RAPSN: variants seen among roughly 807,000 people sequenced by gnomAD.
RAPSN encodes receptor associated protein of the synapse.
RAPSN carries 33 observed loss-of-function variants against 45.7 expected under a neutral mutation model. The observed-to-expected ratio is 0.72, with a 90% CI of 0.55 to 0.97. The LOEUF (loss-of-function observed/expected upper bound fraction) is 0.97. Ranked by LOEUF, RAPSN falls within the 50% of genes least tolerant of loss-of-function variation. The pLI, the probability that RAPSN is intolerant of heterozygous loss-of-function variation, is 0.00. For missense variants in RAPSN, 519 were observed against 559.4 expected (o/e 0.93, Z 0.73); for synonymous variants, 244 against 233.6 (o/e 1.04, Z -0.40).
chr11:47,448,728 G>T (rs374289750), intron 1 of RAPSN, 45 bp downstream of exon 1: 1 of 1,598,858 alleles, frequency 6.3e-7, no homozygotes, highest in Non-Finnish European at 8.5e-7. Flanking sequence ...GGAGACATCC[G>T]GCCCCAGCCT....
At chr11:47,441,756 G>A in intron 4 of RAPSN, 23 bp from the exon 5 acceptor site, 8 of 1,605,142 alleles carry the variant, frequency 5.0e-6, no homozygotes, top group Non-Finnish European at 5.9e-6. Flanking sequence ...GTGGGGGATG[G>A]AATCAGGCTG....
chr11:47,442,845 A>G, intron 2 of RAPSN, 31 bp from the exon 3 acceptor site: 1 of 1,611,918 alleles, frequency 6.2e-7, no homozygotes, highest in Non-Finnish European at 8.5e-7. Context: ...AAGGAGGCAA[A>G]CTGAGTGGCA....
intron 6 of RAPSN, among the ~76,000 whole-genome samples, chr11:47,439,252 T>A (rs1022910237): frequency 2.0e-5 from 3 of 152,192 alleles, no homozygotes; most frequent in Non-Finnish European, 2.9e-5. Flanking sequence ...GGCAGGTGGA[T>A]CACCTGAGGC....
At chr11:47,443,238 G>A (rs2076379420) in intron 2 of RAPSN, among the ~76,000 whole-genome samples, 1 of 152,300 alleles carries the variant, frequency 6.6e-6, no homozygotes, top group Admixed American at 6.5e-5. Context: ...GGAAGCAGGT[G>A]TTCACTGAAG....
chr11:47,448,044 T>G lies in RAPSN; in HGVS notation c.299A>C (p.His100Pro). Residue 100 changes from histidine to proline, a missense_variant, in exon 2 of 8, where the codon CAC becomes CCC. His to Pro is a moderately conservative substitution (Grantham distance 77). Transcript: ENST00000298854. ...ARSNEKLCEF[H>P]KTISYCKTCL... ...GGTCTTGCAGTAGGAGATGGTCTTGTGAAACTCGCACAGCTTCTCGTTGCT... is the reference window on the plus strand; with the variant it reads ...GGTCTTGCAGTAGGAGATGGTCTTGGGAAACTCGCACAGCTTCTCGTTGCT... 6.2e-7 allele frequency: 1 copy of G among 1,613,988 alleles called. No homozygotes were observed. Among genetic ancestry groups the G allele is most frequent in the African/African-American group, 1.3e-5 (1 of 75,014 alleles).
chr11:47,447,713 T>A, intron 2 of RAPSN, 99 bp downstream of exon 2: 1 of 1,368,204 alleles, frequency 7.3e-7, no homozygotes, highest in South Asian at 1.3e-5. Flanking sequence ...CAGCCCTCCC[T>A]AAAAGGAGGG....
rs766327035 is a variant in RAPSN at position 47,447,858 on chromosome 11, T to G, written c.485A>C (p.Glu162Ala). The G allele has an allele frequency of 3.1e-6, 5 of 1,613,538 alleles. No individual in the cohort carries two copies. In the South Asian group the frequency reaches 5.5e-5, roughly 18 times the overall value. The change falls in exon 2 of 8, where the codon GAG becomes GCG. Residue 162 changes from glutamate (E) to alanine (A), a missense_variant. Glu to Ala is a moderately radical substitution (Grantham distance 107). Transcript: ENST00000298854. ...YAHNNDDAML[E>A]CRVCCSLGSF... ...GCCCAGGCTGCAGCACACGCGGCAC[T>G]CGAGCATGGCGTCATCATTGTTGTG... is the stretch of plus-strand genomic sequence containing the variant.
In RAPSN at chr11:47,437,917, C is replaced by A. The variant is rs985630494; in HGVS notation, c.*58G>T. The A allele has an allele frequency of 2.6e-6, 4 of 1,543,330 alleles. No homozygotes were observed. In the South Asian group the frequency reaches 3.6e-5, roughly 14 times the overall value. ...GCCCCAGGAGTAAATGGGCCTCTGG[C>A]GTGCAGTGGAGAAAGAGCAGGAGTG... On this transcript the variant is annotated 3_prime_UTR_variant, in exon 8 of 8. Transcript: ENST00000298854.
chr11:47,438,904 TCAGA>T lies in RAPSN; in HGVS notation c.990_993del (p.Cys330Ter). The T allele has an allele frequency of 6.4e-7, 1 of 1,562,140 alleles. No individual in the cohort carries two copies. Among genetic ancestry groups the T allele is most frequent in the Non-Finnish European group, 8.7e-7 (1 of 1,152,676 alleles). On this transcript the variant is annotated frameshift_variant, in exon 7 of 8. Coordinates refer to ENST00000298854, the MANE Select transcript of RAPSN (RefSeq NM_005055.5). LOFTEE classifies it high-confidence loss of function. ...CCTTTGCTGCGGTAAATGCTCTCGC[TCAGA>T]CAGTGCAGCTTGAGCTGGCTCAGCT...
In RAPSN at chr11:47,441,901, C is replaced by A; in HGVS notation, c.711G>T (p.Leu237=). ...CCTGCAGTGGCCGGTCCCCGTGCTG[C>A]AGCGCGATCTTCATAGACTCCTGCG... ...ECCEESMKIA[L]QHGDRPLQAL... Residue 237 remains leucine (L), a synonymous_variant, in exon 4 of 8, where the codon CTG becomes CTT. Coordinates refer to ENST00000298854, the MANE Select transcript of RAPSN (RefSeq NM_005055.5). The A allele has an allele frequency of 6.3e-7, 1 of 1,584,534 alleles. No individual in the cohort carries two copies. The highest frequency in any genetic ancestry group is 8.5e-7 in the Non-Finnish European group (1 of 1,170,870).
intron 2 of RAPSN, among the ~76,000 whole-genome samples, chr11:47,446,432 T>TCATCCC (rs2076407392): frequency 6.6e-6 from 1 of 152,014 alleles, no homozygotes; most frequent in Non-Finnish European, 1.5e-5. Context: ...TACATCTGCT[T>TCATCCC]CCTAAAAACA....
intron 6 of RAPSN, among the ~76,000 whole-genome samples, chr11:47,440,287 GTTTGT>G (rs2076352933): frequency 6.6e-6 from 1 of 151,922 alleles, no homozygotes; most frequent in African/African-American, 2.4e-5. Flanking sequence ...GTTAGTTTTT[GTTTGT>G]TTTGAGATAA....
At chr11:47,445,478 C>T (rs1343998903) in intron 2 of RAPSN, among the ~76,000 whole-genome samples, 2 of 150,774 alleles carry the variant, frequency 1.3e-5, no homozygotes, top group African/African-American at 4.9e-5. Flanking sequence ...TGCCGGTAGT[C>T]CCAGCTACTC....
At chr11:47,448,659 C>T in intron 1 of RAPSN, 114 bp downstream of exon 1, 1 of 1,368,600 alleles carries the variant, frequency 7.3e-7, no homozygotes, top group Non-Finnish European at 1.0e-6. Context: ...CGGGCCCTGG[C>T]TGCCAGCCTG....
chr11:47,445,908 C>T (rs1228114296), intron 2 of RAPSN, among the ~76,000 whole-genome samples: 1 of 151,796 alleles, frequency 6.6e-6, no homozygotes, highest in Non-Finnish European at 1.5e-5. Flanking sequence ...GCAATGAACA[C>T]CCCACAAGCC....
chr11:47,443,133 C>T (rs1348255832), intron 2 of RAPSN, among the ~76,000 whole-genome samples: 4 of 152,220 alleles, frequency 2.6e-5, no homozygotes, highest in Non-Finnish European at 5.9e-5. Flanking sequence ...GTTGGCTTCT[C>T]TTTTCTCCCA....
intron 2 of RAPSN, among the ~76,000 whole-genome samples, chr11:47,444,114 T>A (rs931327536): frequency 1.3e-5 from 2 of 152,062 alleles, no homozygotes; most frequent in African/African-American, 4.8e-5. Flanking sequence ...CAAGTTAACA[T>A]GACCAAAAGA....
rs754775068 is a variant in RAPSN at position 47,447,860 on chromosome 11, G to A, written c.483C>T (p.Leu161=). ...RYAHNNDDAM[L]ECRVCCSLGS... is the part of the protein sequence containing the mutation. ...CCAGGCTGCAGCACACGCGGCACTC[G>A]AGCATGGCGTCATCATTGTTGTGGG... Residue 161 remains leucine, a synonymous_variant, in exon 2 of 8, where the codon CTC becomes CTT. Transcript: ENST00000298854. 33 of 1,613,294 alleles carry A rather than the reference G, an allele frequency of 2.0e-5. No individual in the cohort carries two copies. In the South Asian group the frequency reaches 2.3e-4, roughly 11 times the overall value.
In RAPSN at chr11:47,441,630, G is replaced by T; in HGVS notation, c.893C>A (p.Ala298Asp). The part of the protein sequence containing the change: ...ALLGVAKCWV[A>D]RKALDKALDA... ...CCTCACCTTGTCCAGCGCCTTCCTGGCCACCCAGCACTTGGCCACACCCAG... is the reference window on the plus strand; with the variant it reads ...CCTCACCTTGTCCAGCGCCTTCCTGTCCACCCAGCACTTGGCCACACCCAG... The change falls in exon 5 of 8, where the codon GCC becomes GAC. Residue 298 changes from alanine to aspartate, a missense_variant. By Grantham distance (126) the Ala-to-Asp change is moderately radical. Transcript: ENST00000298854. The T allele has an allele frequency of 6.2e-7, 1 of 1,607,764 alleles. No individual in the cohort carries two copies. The highest frequency in any genetic ancestry group is 8.5e-7 in the Non-Finnish European group (1 of 1,179,622).
Sources: gnomAD v4.1 joint callset for allele counts (sites outside exome capture counted in the v4.1 genomes callset) on GRCh38, gnomAD v4.1.1 for gene constraint, MANE v1.5 for transcripts, NCBI Gene and HGNC (gene_info 2026-07-23, HGNC 2026-07-21) for gene names.